Variants in DSCAM observed in about 807,000 individuals in gnomAD.
DSCAM encodes DS cell adhesion molecule, also known as cell adhesion molecule DSCAM.
Under a neutral mutation model 217.7 loss-of-function variants are expected in DSCAM, and 47 were observed. That is an observed-to-expected ratio of 0.22 (90% CI 0.17 to 0.28). DSCAM has a LOEUF of 0.28. DSCAM is among the 10% of genes least tolerant of loss of function. DSCAM has a pLI of 1.00. For synonymous variants in DSCAM, 1,056 were observed against 1,015.3 expected (o/e 1.04, Z -0.76); for missense variants, 2,080 against 2,618.3 (o/e 0.79, Z 4.49).
chr21:40,119,899 A>T (rs1474670427), intron 20 of DSCAM, among the ~76,000 whole-genome samples: 1 of 152,024 alleles, frequency 6.6e-6, no homozygotes, highest in Non-Finnish European at 1.5e-5. Context: ...ATTCCACGTT[A>T]TACCACTTTT....
chr21:40,399,495 T>A (rs1349233921), intron 3 of DSCAM, among the ~76,000 whole-genome samples: 1 of 152,250 alleles, frequency 6.6e-6, no homozygotes. Flanking sequence ...GTGCATGCTA[T>A]CTGATTTTAT....
At chr21:40,490,342 A>AT (rs869150012) in intron 3 of DSCAM, among the ~76,000 whole-genome samples, 31 of 152,340 alleles carry the variant, frequency 2.0e-4, no homozygotes, top group Middle Eastern at 3.4e-3. Context: ...TAAATACAGT[A>AT]TTTTTTTAAA....
chr21:40,189,010 A>G (rs2146830235), intron 12 of DSCAM, 32 bp downstream of exon 12: 1 of 1,601,220 alleles, frequency 6.2e-7, no homozygotes, highest in Middle Eastern at 1.7e-4. Flanking sequence ...AATAAAGTTC[A>G]TTCCATTGTG....
At chr21:40,341,325 C>G (rs1046151179) in intron 6 of DSCAM, among the ~76,000 whole-genome samples, 4 of 152,218 alleles carry the variant, frequency 2.6e-5, no homozygotes, top group Middle Eastern at 3.4e-3. Context: ...TTTCACGTGT[C>G]CTTTATAATT....
chr21:40,099,216 G>C (rs1374373141), intron 20 of DSCAM, among the ~76,000 whole-genome samples: 1 of 152,150 alleles, frequency 6.6e-6, no homozygotes, highest in African/African-American at 2.4e-5. Flanking sequence ...ATTCGTTCTT[G>C]ATTACCTCCA....
At chr21:40,146,317 G>C (rs1171817605) in intron 16 of DSCAM, among the ~76,000 whole-genome samples, 2 of 152,088 alleles carry the variant, frequency 1.3e-5, no homozygotes, top group Non-Finnish European at 2.9e-5. Context: ...GATGGGGTGA[G>C]TGGAGCCTGC....
intron 3 of DSCAM, among the ~76,000 whole-genome samples, chr21:40,405,304 A>G (rs2075271136): frequency 1.3e-5 from 2 of 152,176 alleles, no homozygotes; most frequent in East Asian, 1.9e-4. Context: ...TGTGTATATA[A>G]TATCTATGCA....
rs1334800578 is a variant in DSCAM, at chr21:40,479,911, T to C, written c.509-110666A>G. Among the ~76,000 whole-genome samples the C allele has an allele frequency of 2.0e-5, 3 of 152,228 alleles. No individual in the cohort carries two copies. In the East Asian group the frequency reaches 5.8e-4, roughly 29 times the overall value. The stretch of plus-strand genomic sequence containing the variant: ...ATATGTGTGTGTACATGCGTATGCA[T>C]GTACGCACACACAAACTCACACACA... On this transcript the variant is annotated intron_variant, in intron 3 of 32. Coordinates refer to ENST00000400454, the MANE Select transcript of DSCAM (RefSeq NM_001389.5).
intron 3 of DSCAM, among the ~76,000 whole-genome samples, chr21:40,559,607 G>T (rs981751819): frequency 1.3e-5 from 2 of 151,966 alleles, no homozygotes; most frequent in Non-Finnish European, 2.9e-5. Context: ...TGTAGTTCTG[G>T]GATCTCATTT....
chr21:40,085,897 G>A, intron 22 of DSCAM, 132 bp from the exon 23 acceptor site: 1 of 754,476 alleles, frequency 1.3e-6, no homozygotes, highest in African/African-American at 1.8e-5. Flanking sequence ...CATTATGAAA[G>A]AACTAAATAT....
intron 32 of DSCAM, among the ~76,000 whole-genome samples, chr21:40,031,223 C>G (rs1601246521): frequency 6.6e-6 from 1 of 152,078 alleles, no homozygotes; most frequent in Admixed American, 6.6e-5. Flanking sequence ...GAGGCATGTA[C>G]CTTAGAGAAC....
At chr21:40,750,797 T>C (rs1000550353) in intron 1 of DSCAM, among the ~76,000 whole-genome samples, 1 of 152,140 alleles carries the variant, frequency 6.6e-6, no homozygotes, top group Non-Finnish European at 1.5e-5. Flanking sequence ...TTCTCACTTT[T>C]TCTGTCACCT....
chr21:40,593,681 T>C, intron 3 of DSCAM, among the ~76,000 whole-genome samples: 1 of 152,216 alleles, frequency 6.6e-6, no homozygotes. Flanking sequence ...TTTAAAATTA[T>C]CTGAAAGCAT....
chr21:40,323,177 G>T (rs570760612), intron 8 of DSCAM, among the ~76,000 whole-genome samples: 1 of 152,112 alleles, frequency 6.6e-6, no homozygotes, highest in South Asian at 2.1e-4. Flanking sequence ...CTCTTTCTTC[G>T]CCCAGTCCTT....
chr21:40,484,848 T>C (rs2076011682), intron 3 of DSCAM, among the ~76,000 whole-genome samples: 1 of 152,170 alleles, frequency 6.6e-6, no homozygotes, highest in Non-Finnish European at 1.5e-5. Context: ...AATCAAATGG[T>C]AGATGCTGTC....
At chr21:40,336,180 T>C (rs1225454026) in intron 8 of DSCAM, among the ~76,000 whole-genome samples, 3 of 152,200 alleles carry the variant, frequency 2.0e-5, no homozygotes, top group African/African-American at 7.2e-5. Flanking sequence ...TTGCTTGAGT[T>C]GCAAATTCGA....
At chr21:40,295,354 G>A (rs1450640084) in intron 10 of DSCAM, among the ~76,000 whole-genome samples, 2 of 152,186 alleles carry the variant, frequency 1.3e-5, no homozygotes, top group Non-Finnish European at 2.9e-5. Flanking sequence ...CTAATGAACA[G>A]AAATTGTTTT....
At chr21:40,368,558 G>A (rs1462662536) in intron 4 of DSCAM, among the ~76,000 whole-genome samples, 1 of 152,218 alleles carries the variant, frequency 6.6e-6, no homozygotes, top group African/African-American at 2.4e-5. Context: ...TGGGTGCTCA[G>A]GCAGTGATGT....
intron 1 of DSCAM, among the ~76,000 whole-genome samples, chr21:40,735,253 T>C (rs2091051561): frequency 6.6e-6 from 1 of 152,226 alleles, no homozygotes; most frequent in Admixed American, 6.5e-5. Context: ...ACAAGCTAGA[T>C]GACTATTTGT....
Sources: allele counts gnomAD v4.1 joint callset (sites outside exome capture counted in the v4.1 genomes callset), GRCh38; gene constraint gnomAD v4.1.1; transcripts MANE v1.5; gene names NCBI Gene and HGNC (gene_info 2026-07-23, HGNC 2026-07-21).